The following MAF variants were observed in gnomAD, a reference collection of about 807,000 sequenced individuals.
MAF encodes the protein MAF bZIP transcription factor.
A neutral mutation model predicts 22.0 loss-of-function variants in MAF; 10 were observed. The observed-to-expected ratio is 0.45, with a 90% confidence interval of 0.28 to 0.77. The LOEUF (loss-of-function observed/expected upper bound fraction) is 0.77. MAF is among the 30% of genes least tolerant of loss of function. The pLI is 0.12. For missense variants in MAF, 544 were observed against 548.4 expected (o/e 0.99, Z 0.08); for synonymous variants, 337 against 255.8 (o/e 1.32, Z -3.03).
At chr16:79,454,859 G>C in the MAF span, among the ~76,000 whole-genome samples, 2 of 152,142 alleles carry the variant, frequency 1.3e-5, no homozygotes, top group Admixed American at 6.5e-5. Flanking sequence ...CACTTTGGGA[G>C]GCCGAGGCAG....
chr16:79,525,874 G>A, the MAF span, among the ~76,000 whole-genome samples: 1 of 152,146 alleles, frequency 6.6e-6, no homozygotes, highest in East Asian at 1.9e-4. Context: ...GAATTCGCGA[G>A]AAAGAATACA....
the MAF span, among the ~76,000 whole-genome samples, chr16:79,568,321 G>A: frequency 6.6e-6 from 1 of 152,166 alleles, no homozygotes; most frequent in African/African-American, 2.4e-5. Flanking sequence ...CTCACAAGAT[G>A]ACCCACAGGC....
At chr16:79,329,520 C>A in the MAF span, among the ~76,000 whole-genome samples, 2 of 152,034 alleles carry the variant, frequency 1.3e-5, no homozygotes, top group African/African-American at 2.4e-5. Context: ...TTTCCAAAAT[C>A]TCCGTCTAGA....
the MAF span, among the ~76,000 whole-genome samples, chr16:79,414,747 T>A: frequency 6.6e-6 from 1 of 152,180 alleles, no homozygotes; most frequent in South Asian, 2.1e-4. Context: ...AAATGGAGTT[T>A]TGTTAATCAG....
At chr16:79,515,508 T>C in the MAF span, among the ~76,000 whole-genome samples, 3 of 152,258 alleles carry the variant, frequency 2.0e-5, no homozygotes, top group African/African-American at 7.2e-5. Context: ...TAGGCTAACG[T>C]AAGTGTTCTG....
the MAF span, among the ~76,000 whole-genome samples, chr16:79,342,186 G>A: frequency 1.5e-4 from 23 of 152,246 alleles, no homozygotes; most frequent in African/African-American, 4.8e-4. Flanking sequence ...GCACACCCGG[G>A]GTCCCAATCA....
chr16:79,430,563 G>A, the MAF span, among the ~76,000 whole-genome samples: 3 of 152,282 alleles, frequency 2.0e-5, no homozygotes, highest in South Asian at 2.1e-4. Flanking sequence ...CCCTCTGCCC[G>A]GCACACGGCA....
chr16:79,302,115 G>A, the MAF span, among the ~76,000 whole-genome samples: 3 of 152,180 alleles, frequency 2.0e-5, no homozygotes, highest in African/African-American at 7.2e-5. Context: ...CCTACACCTG[G>A]GGTCTCAGTG....
At chr16:79,414,625 C>CACGG in the MAF span, among the ~76,000 whole-genome samples, 1 of 152,158 alleles carries the variant, frequency 6.6e-6, no homozygotes, top group African/African-American at 2.4e-5. Context: ...GGTAAACAGA[C>CACGG]ACGGACTAGT....
At chr16:79,299,867 A>G in the MAF span, among the ~76,000 whole-genome samples, 1 of 152,142 alleles carries the variant, frequency 6.6e-6, no homozygotes. Flanking sequence ...TTTTTCTGCT[A>G]AGCCACTCTG....
chr16:79,343,855 G>GT, the MAF span, among the ~76,000 whole-genome samples: 1 of 152,146 alleles, frequency 6.6e-6, no homozygotes, highest in Non-Finnish European at 1.5e-5. Flanking sequence ...TGCACACTCT[G>GT]TTTTTTCTTG....
At chr16:79,595,787 A>G (rs1221076324) in intron 1 of MAF, 6 of 1,057,070 alleles carry the variant, frequency 5.7e-6, no homozygotes, top group Non-Finnish European at 6.9e-6. Flanking sequence ...TCATCCAGGT[A>G]GAGAAGTTCT....
chr16:79,445,057 G>C, the MAF span, among the ~76,000 whole-genome samples: 3 of 151,818 alleles, frequency 2.0e-5, no homozygotes, highest in East Asian at 5.8e-4. Context: ...TTTTTGAGAC[G>C]GAGTCTCACT....
the MAF span, among the ~76,000 whole-genome samples, chr16:79,451,176 G>A: frequency 1.1e-4 from 17 of 152,186 alleles, no homozygotes; most frequent in African/African-American, 3.1e-4. Context: ...TGCAGGGCCC[G>A]TCCAGTTAAA....
At chr16:79,407,799 C>T in the MAF span, among the ~76,000 whole-genome samples, 1 of 152,132 alleles carries the variant, frequency 6.6e-6, no homozygotes, top group Non-Finnish European at 1.5e-5. Context: ...CGAGCCGCCC[C>T]ACGAAGCCAG....
At chr16:79,438,387 G>A in the MAF span, among the ~76,000 whole-genome samples, 1 of 152,316 alleles carries the variant, frequency 6.6e-6, no homozygotes, top group East Asian at 1.9e-4. Flanking sequence ...AGAAACTCAG[G>A]ACGTTTGAAA....
chr16:79,372,142 T>C, the MAF span, among the ~76,000 whole-genome samples: 2 of 151,466 alleles, frequency 1.3e-5, no homozygotes, highest in African/African-American at 4.9e-5. Context: ...CTAGAGATTC[T>C]GGTTTGGCCT....
chr16:79,288,987 C>T, the MAF span, among the ~76,000 whole-genome samples: 8 of 152,204 alleles, frequency 5.3e-5, no homozygotes, highest in African/African-American at 1.7e-4. Flanking sequence ...GCCTCGGCCT[C>T]CCAAAGTGTT....
chr16:79,402,639 T>C, the MAF span, among the ~76,000 whole-genome samples: 2 of 152,080 alleles, frequency 1.3e-5, no homozygotes, highest in Non-Finnish European at 2.9e-5. Context: ...AGGGGAAAGG[T>C]TGGAGGTGCC....
Sources: gnomAD v4.1 joint callset for allele counts (sites outside exome capture counted in the v4.1 genomes callset) on GRCh38, gnomAD v4.1.1 for gene constraint, MANE v1.5 for transcripts, NCBI Gene and HGNC (gene_info 2026-07-23, HGNC 2026-07-21) for gene names.